POLR1C: variants seen among roughly 807,000 people sequenced by gnomAD.
POLR1C encodes the protein DNA-directed RNA polymerases I and III subunit RPAC1.
In POLR1C, 42 loss-of-function variants were observed where a neutral mutation model predicts 38.3. The observed-to-expected ratio is 1.10, with a 90% CI of 0.86 to 1.42. The LOEUF (loss-of-function observed/expected upper bound fraction) is 1.42. Among genes scored for constraint, POLR1C ranks in the 40% most tolerant of loss-of-function variants. The pLI, the probability that POLR1C is intolerant of heterozygous loss-of-function variation, is 0.00. For synonymous variants in POLR1C, 163 were observed against 163.9 expected, an observed-to-expected ratio of 0.99 and a Z score of 0.04; for missense variants, 507 against 450.5, an observed-to-expected ratio of 1.13 and a Z score of -1.14.
chr6:43,525,176 G>C, downstream of POLR1C: 3 of 1,584,118 alleles, frequency 1.9e-6, no homozygotes, highest in South Asian at 3.5e-5. Flanking sequence ...TCCAGGCCAG[G>C]GAATTGAAGG....
intron 9 of POLR1C, among the ~76,000 whole-genome samples, chr6:43,540,391 A>C (rs1794629229): frequency 6.6e-6 from 1 of 152,214 alleles, no homozygotes; most frequent in South Asian, 2.1e-4. Context: ...AAGCAGGAGA[A>C]TGCCGTGAAC....
At chr6:43,549,383 A>G in intron 9 of POLR1C, 2 of 1,157,328 alleles carry the variant, frequency 1.7e-6, no homozygotes, top group Non-Finnish European at 2.4e-6. Flanking sequence ...TATATGATGC[A>G]AAGCTATAGT....
downstream of POLR1C, chr6:43,525,330 G>A: frequency 2.0e-6 from 2 of 1,007,222 alleles, no homozygotes; most frequent in South Asian, 1.7e-5. Context: ...TCTAAAGATG[G>A]GTTTGTTTTG....
At chr6:43,542,693 T>G (rs1403015238) in intron 9 of POLR1C, among the ~76,000 whole-genome samples, 1 of 152,168 alleles carries the variant, frequency 6.6e-6, no homozygotes, top group Non-Finnish European at 1.5e-5. Flanking sequence ...CCCAAAGTGC[T>G]TGGATTACAG....
downstream of POLR1C, chr6:43,522,530 GAAAC>G (rs1297944790): frequency 4.1e-6 from 1 of 241,208 alleles, no homozygotes; most frequent in Admixed American, 5.1e-5. Flanking sequence ...GGTTTGGAGG[GAAAC>G]ACTCTTGAGA....
intron 9 of POLR1C, among the ~76,000 whole-genome samples, chr6:43,536,215 G>C (rs1794312812): frequency 6.6e-6 from 1 of 151,862 alleles, no homozygotes; most frequent in African/African-American, 2.4e-5. Flanking sequence ...AGGAGTTTGA[G>C]ACCAGCCTGG....
chr6:43,519,548 G>T, intron 3 of POLR1C, 108 bp downstream of exon 3: 2 of 1,407,492 alleles, frequency 1.4e-6, no homozygotes, highest in Non-Finnish European at 2.0e-6. Flanking sequence ...AATTTTCCTG[G>T]AATTTTGCTG....
At chr6:43,528,217 C>T in intron 8 of POLR1C, 1 of 1,585,360 alleles carries the variant, frequency 6.3e-7, no homozygotes, top group Non-Finnish European at 8.6e-7. Context: ...TGGGAAAACA[C>T]AAAGGAAATA....
intron 10 of POLR1C, chr6:43,551,546 A>C: frequency 2.0e-6 from 3 of 1,473,200 alleles, no homozygotes; most frequent in South Asian, 1.3e-5. Context: ...TTAAAGAGAC[A>C]GGGTCTCATT....
chr6:43,561,947 C>T lies in POLR1C; in HGVS notation c.*596C>T, dbSNP rs57937463. On this transcript the variant is annotated 3_prime_UTR_variant, in exon 11 of 11. Transcript: ENST00000607635. ...GCTAACAGAATGTAAAAGCATAAAGCACTCAGCAGATTGAGGTTCTGTAAG... is the reference window on the plus strand; with the variant it reads ...GCTAACAGAATGTAAAAGCATAAAGTACTCAGCAGATTGAGGTTCTGTAAG... 1,167 of 225,972 alleles carry T rather than the reference C, an allele frequency of 5.2e-3. 10 individuals carry two copies. Among genetic ancestry groups the T allele is most frequent in the African/African-American group, 0.025 (1,102 of 43,868 alleles). The allele number at this position is 225,972 out of a possible 1,614,324, so 14.0% of individuals were successfully genotyped here.
intron 9 of POLR1C, among the ~76,000 whole-genome samples, chr6:43,540,599 G>A (rs1432258090): frequency 1.3e-5 from 2 of 152,230 alleles, no homozygotes; most frequent in African/African-American, 4.8e-5. Context: ...GTTGAAGTGA[G>A]CCGAGATCAT....
intron 9 of POLR1C, chr6:43,547,430 G>A (rs980657653): frequency 1.4e-6 from 1 of 695,218 alleles, no homozygotes; most frequent in East Asian, 2.8e-5. Flanking sequence ...GCTCTGCTGT[G>A]GGAACTAACT....
At chr6:43,546,211 A>G (rs2127726922) in intron 9 of POLR1C, among the ~76,000 whole-genome samples, 1 of 152,370 alleles carries the variant, frequency 6.6e-6, no homozygotes, top group African/African-American at 2.4e-5. Flanking sequence ...GCATCATTAT[A>G]GAAGGCAACT....
intron 10 of POLR1C, chr6:43,551,329 C>T (rs1403322446): frequency 1.9e-6 from 3 of 1,613,602 alleles, no homozygotes; most frequent in Non-Finnish European, 2.5e-6. Flanking sequence ...GAACTCTGGT[C>T]TGTAGGTGAC....
rs570117024 is a variant in POLR1C, at chr6:43,526,516, T to C, written c.923-2733T>C. On this transcript the variant is annotated intron_variant, in intron 8 of 8. Transcript: ENST00000304004. ...AGAGGAAACAGCAAGTGCAAAGGCT[T>C]GGAGGTGGGAGTATGATGGAGGCAC... 144 of 686,770 alleles carry C rather than the reference T, an allele frequency of 2.1e-4. No homozygotes were observed. In the South Asian group the frequency reaches 2.4e-3, roughly 11 times the overall value. The allele number at this position is 686,770 out of a possible 1,614,324, so 42.5% of individuals were successfully genotyped here.
exon 11 of POLR1C, chr6:43,562,266 T>C (rs779847827): frequency 1.0e-5 from 16 of 1,607,582 alleles, no homozygotes; most frequent in Admixed American, 5.1e-5. Context: ...ACACAGCTGA[T>C]TGCCCAGCGC....
downstream of POLR1C, chr6:43,534,016 A>C (rs114918329): frequency 5.1e-4 from 811 of 1,590,120 alleles, 4 homozygotes; most frequent in African/African-American, 9.8e-3. Flanking sequence ...TTCTGAAAGA[A>C]ACAAGAATGC....
At chr6:43,522,688 T>G (rs1333180927), downstream of POLR1C, 1 of 492,862 alleles carries the variant, frequency 2.0e-6, no homozygotes, top group Admixed American at 2.0e-5. Context: ...GTAGCTTCAG[T>G]CCACTTCGGC....
At position 43,519,699 on chromosome 6, in the gene POLR1C, T is replaced by C; in HGVS notation, c.250-7T>C. On this transcript the variant is annotated splice_polypyrimidine_tract_variant and splice_region_variant and intron_variant, in intron 3 of 8. Transcript: ENST00000642195. ...TTGCAGATAAGTGGTTATTTTTCCT[T>C]GGGCAGGTGCCAACTATGGCTGTGG... The C allele has an allele frequency of 1.2e-6, 2 of 1,614,184 alleles. No individual in the cohort carries two copies. The highest frequency in any genetic ancestry group is 2.2e-5 in the South Asian group (2 of 91,086).
Sources: allele counts gnomAD v4.1 joint callset (sites outside exome capture counted in the v4.1 genomes callset), GRCh38; gene constraint gnomAD v4.1.1; transcripts MANE v1.5; gene names NCBI Gene and HGNC (gene_info 2026-07-23, HGNC 2026-07-21).